PIKFYVE: variants seen among roughly 807,000 people sequenced by gnomAD.
The protein encoded by PIKFYVE is phosphoinositide kinase, FYVE-type zinc finger containing, also known as 1-phosphatidylinositol 3-phosphate 5-kinase.
A neutral mutation model predicts 257.9 loss-of-function variants in PIKFYVE; 122 were observed. The observed-to-expected ratio is 0.47, with a 90% CI of 0.41 to 0.55. PIKFYVE has a LOEUF of 0.55. Ranked by LOEUF, PIKFYVE falls within the 20% of genes least tolerant of loss-of-function variation. The probability of loss-of-function intolerance (pLI) is 0.00; values close to 1 mark genes in which losing one functional copy is unlikely to be tolerated. For synonymous variants in PIKFYVE, 892 were observed against 868.9 expected (o/e 1.03, Z -0.47); for missense variants, 2,160 against 2,536.6 (o/e 0.85, Z 3.19).
chr2:208,318,451 A>G (rs1695815798), intron 16 of PIKFYVE, among the ~76,000 whole-genome samples: 1 of 152,180 alleles, frequency 6.6e-6, no homozygotes, highest in Non-Finnish European at 1.5e-5. Context: ...AATATGGGCA[A>G]TGTAGATGAA....
chr2:208,319,560 A>G (rs1017873616), intron 16 of PIKFYVE, among the ~76,000 whole-genome samples: 1 of 152,294 alleles, frequency 6.6e-6, no homozygotes, highest in East Asian at 1.9e-4. Context: ...AGTTGCTAAA[A>G]AGAGTCCTGA....
intron 34 of PIKFYVE, 36 bp downstream of exon 34, chr2:208,346,183 T>C (rs1402473904): frequency 1.3e-6 from 2 of 1,491,784 alleles, no homozygotes; most frequent in South Asian, 2.3e-5. Context: ...TATAATTAGA[T>C]TTACCTATAA....
At position 208,277,589 on chromosome 2, in the gene PIKFYVE, A is replaced by G. The variant is rs1250330106; in HGVS notation, c.494A>G (p.Tyr165Cys). 1 of 1,613,930 alleles carries G rather than the reference A, an allele frequency of 6.2e-7. No individual in the cohort carries two copies. The highest frequency in any genetic ancestry group is 8.5e-7 in the Non-Finnish European group (1 of 1,179,790). ...WMPDSQCKEC[Y>C]DCSEKFTTFR... is the part of the protein sequence containing the mutation. ...CCAGATAGCCAATGTAAAGAGTGCT[A>G]TGACTGTAGTGAGAAATTTACAACC... Residue 165 changes from tyrosine to cysteine, a missense_variant, in exon 5 of 42, where the codon TAT (tyrosine) becomes TGT (cysteine). By Grantham distance (194) the Tyr-to-Cys change is radical. Transcript: ENST00000264380.
intron 28 of PIKFYVE, among the ~76,000 whole-genome samples, chr2:208,337,514 T>TATAG (rs143232561): frequency 0.029 from 4,382 of 152,102 alleles, 203 homozygotes; most frequent in African/African-American, 0.099. Context: ...AATAATCTTG[T>TATAG]ATAGATCTAT....
chr2:208,312,095 T>C, intron 12 of PIKFYVE, 141 bp from the exon 13 acceptor site: 1 of 678,628 alleles, frequency 1.5e-6, no homozygotes, highest in Non-Finnish European at 2.6e-6. Context: ...CCCAAAGCTT[T>C]CTTGAATTTG....
intron 16 of PIKFYVE, 54 bp downstream of exon 16, chr2:208,317,995 G>A: frequency 6.5e-7 from 1 of 1,538,954 alleles, no homozygotes; most frequent in South Asian, 1.1e-5. Context: ...TGTGTGCTTA[G>A]GTAACAAGTT....
intron 36 of PIKFYVE, 25 bp downstream of exon 36, chr2:208,350,108 G>T (rs1699638010): frequency 1.4e-5 from 22 of 1,611,328 alleles, no homozygotes; most frequent in East Asian, 2.2e-5. Flanking sequence ...TTATATCATT[G>T]GTTTGGGGAG....
intron 40 of PIKFYVE, 49 bp from the exon 41 acceptor site, chr2:208,354,522 T>C: frequency 6.9e-7 from 1 of 1,455,112 alleles, no homozygotes; most frequent in Non-Finnish European, 9.7e-7. Context: ...CATTTGATTA[T>C]ATTTATTAAC....
chr2:208,313,830 ACCT>A (rs1434923150), intron 13 of PIKFYVE, among the ~76,000 whole-genome samples: 11 of 152,014 alleles, frequency 7.2e-5, no homozygotes, highest in Non-Finnish European at 2.9e-5. Context: ...TGATCTGCCC[ACCT>A]CGGCCTCCCA....
At chr2:208,352,566 C>T in intron 38 of PIKFYVE, 88 bp from the exon 39 acceptor site, 1 of 1,445,558 alleles carries the variant, frequency 6.9e-7, no homozygotes, top group Non-Finnish European at 9.5e-7. Context: ...AAATTATGTT[C>T]AGTTATTACA....
At chr2:208,329,604 T>G (rs1697287028) in intron 21 of PIKFYVE, among the ~76,000 whole-genome samples, 1 of 152,224 alleles carries the variant, frequency 6.6e-6, no homozygotes, top group African/African-American at 2.4e-5. Flanking sequence ...TATTATAGTT[T>G]ATGCATCCTC....
intron 5 of PIKFYVE, among the ~76,000 whole-genome samples, chr2:208,280,119 C>G (rs1341970416): frequency 6.6e-6 from 1 of 152,150 alleles, no homozygotes; most frequent in Non-Finnish European, 1.5e-5. Flanking sequence ...TCTTTCAGAG[C>G]TCCCATTACC....
At position 208,304,836 on chromosome 2, in the gene PIKFYVE, A is replaced by G; in HGVS notation, c.1469-10A>G. 1 of 1,613,026 alleles carries G rather than the reference A, an allele frequency of 6.2e-7. No individual in the cohort carries two copies. Among genetic ancestry groups the G allele is most frequent in the East Asian group, 2.2e-5 (1 of 44,864 alleles). Reference sequence around the variant, plus strand: ...TCCCTATATTTCTTTCCCCTTCCCAACACTAAAAGATTCTGCCAGTCCTAG... The same window carrying G: ...TCCCTATATTTCTTTCCCCTTCCCAGCACTAAAAGATTCTGCCAGTCCTAG... On this transcript the variant is annotated splice_polypyrimidine_tract_variant and intron_variant, in intron 11 of 41. Transcript: ENST00000264380.
At position 208,333,405 on chromosome 2, in the gene PIKFYVE, C is replaced by T. The variant is rs747746934; in HGVS notation, c.4054C>T (p.Arg1352Cys). 73 of 1,613,850 alleles carry T rather than the reference C, an allele frequency of 4.5e-5. No homozygotes were observed. Among genetic ancestry groups the T allele is most frequent in the Non-Finnish European group, 5.3e-5 (63 of 1,179,936 alleles). Residue 1352 changes from arginine (R) to cysteine (C), a missense_variant, in exon 24 of 42, where the codon CGC becomes TGC. Around this residue, in one of 12 missense-constraint regions of PIKFYVE, gnomAD observed 699 missense variants for 855.8 expected, o/e 0.82. Transcript: ENST00000264380. ...ELRFYGHQYT[R>C]RANAEPCGHS... The stretch of plus-strand genomic sequence containing the variant: ...TAGGTTTTATGGGCACCAGTATACT[C>T]GCAGAGCCAACGCTGAGCCCTGTGG...
chr2:208,305,277 T>C, intron 12 of PIKFYVE: 1 of 1,330,782 alleles, frequency 7.5e-7, no homozygotes, highest in Non-Finnish European at 9.7e-7. Context: ...ATCTGACTGC[T>C]CTTCCCATAA....
intron 2 of PIKFYVE, among the ~76,000 whole-genome samples, chr2:208,271,966 G>C (rs1319344611): frequency 1.3e-5 from 2 of 152,206 alleles, no homozygotes. Flanking sequence ...CAGGCGTGAT[G>C]CCTCACACCT....
At chr2:208,320,104 A>C in intron 16 of PIKFYVE, 148 bp from the exon 17 acceptor site, 2 of 1,209,292 alleles carry the variant, frequency 1.7e-6, no homozygotes, top group Non-Finnish European at 2.2e-6. Flanking sequence ...TAATACCGTA[A>C]AAGAACTAAA....
chr2:208,276,884 C>T, intron 4 of PIKFYVE, 54 bp downstream of exon 4: 4 of 1,427,920 alleles, frequency 2.8e-6, no homozygotes, highest in Non-Finnish European at 3.9e-6. Flanking sequence ...GGGGATCATG[C>T]CATACCTAAT....
At chr2:208,334,990 G>A (rs545448456) in intron 24 of PIKFYVE, among the ~76,000 whole-genome samples, 3 of 152,252 alleles carry the variant, frequency 2.0e-5, no homozygotes, top group African/African-American at 7.2e-5. Flanking sequence ...CTACAATTAG[G>A]TGTAGGTATT....
Sources: allele counts gnomAD v4.1 joint callset (sites outside exome capture counted in the v4.1 genomes callset), GRCh38; gene constraint gnomAD v4.1.1; regional missense constraint gnomAD v4.1.1; transcripts MANE v1.5; gene names NCBI Gene and HGNC (gene_info 2026-07-23, HGNC 2026-07-21).